UNC13C: variants seen among roughly 807,000 people sequenced by gnomAD.
The protein encoded by UNC13C is unc-13 homolog C, also known as protein unc-13 homolog C.
A neutral mutation model predicts 245.4 loss-of-function variants in UNC13C; 174 were observed. That is an observed-to-expected ratio of 0.71 (90% CI 0.63 to 0.80). The LOEUF is 0.80. Among genes scored for constraint, UNC13C ranks in the 30% least tolerant of loss-of-function variants. The pLI is 0.00. For missense variants in UNC13C, 2,829 were observed against 2,602.9 expected (o/e 1.09, Z -1.89); for synonymous variants, 992 against 895.1 (o/e 1.11, Z -1.93).
At chr15:54,228,901 C>T (rs2140808652) in intron 4 of UNC13C, among the ~76,000 whole-genome samples, 1 of 152,266 alleles carries the variant, frequency 6.6e-6, no homozygotes, top group East Asian at 1.9e-4. Context: ...TCCACTGGCT[C>T]TAAGCATAGC....
At chr15:53,893,487 G>A in the UNC13C span, among the ~76,000 whole-genome samples, 1 of 152,194 alleles carries the variant, frequency 6.6e-6, no homozygotes, top group Non-Finnish European at 1.5e-5. Context: ...CTGTTCCAGG[G>A]AGATGGGGGT....
At chr15:54,275,893 G>A (rs967466239) in intron 10 of UNC13C, among the ~76,000 whole-genome samples, 1 of 152,058 alleles carries the variant, frequency 6.6e-6, no homozygotes, top group African/African-American at 2.4e-5. Flanking sequence ...ATCAATAGGT[G>A]AATAGATATA....
chr15:54,405,994 T>TGG (rs5812758), intron 18 of UNC13C, among the ~76,000 whole-genome samples: 1 of 151,808 alleles, frequency 6.6e-6, no homozygotes, highest in African/African-American at 2.4e-5. Context: ...GAGAGAAGTG[T>TGG]GGGGGGGGAA....
chr15:54,097,877 C>T (rs2141148746), intron 2 of UNC13C, among the ~76,000 whole-genome samples: 1 of 152,304 alleles, frequency 6.6e-6, no homozygotes, highest in East Asian at 1.9e-4. Flanking sequence ...GGGAACAACA[C>T]TCATTTATAC....
chr15:54,407,065 C>A (rs1411952394), intron 18 of UNC13C, among the ~76,000 whole-genome samples: 1 of 151,992 alleles, frequency 6.6e-6, no homozygotes, highest in Non-Finnish European at 1.5e-5. Context: ...GCAGGATAGT[C>A]ATATTAATGA....
chr15:54,235,408 G>A (rs773091008), intron 5 of UNC13C, among the ~76,000 whole-genome samples: 9 of 152,190 alleles, frequency 5.9e-5, no homozygotes, highest in Non-Finnish European at 1.2e-4. Context: ...AATAGGCTTT[G>A]ATGTGTTTAG....
chr15:54,523,800 T>G (rs1392222446), intron 24 of UNC13C, among the ~76,000 whole-genome samples: 1 of 152,018 alleles, frequency 6.6e-6, no homozygotes, highest in East Asian at 1.9e-4. Context: ...TTGGAGGTGG[T>G]AGAGGTATGG....
At chr15:54,371,161 C>G (rs531596381) in intron 17 of UNC13C, among the ~76,000 whole-genome samples, 3 of 152,188 alleles carry the variant, frequency 2.0e-5, no homozygotes, top group Admixed American at 6.5e-5. Flanking sequence ...AAGGTCTCCA[C>G]AACCCATCAC....
intron 2 of UNC13C, among the ~76,000 whole-genome samples, chr15:54,067,167 T>A (rs1284300808): frequency 1.3e-5 from 2 of 152,160 alleles, no homozygotes; most frequent in Non-Finnish European, 2.9e-5. Flanking sequence ...TGGTTGAAGA[T>A]TCCTGAAAGC....
At position 54,015,611 on chromosome 15, in the gene UNC13C, A is replaced by G. The variant is rs912843997; in HGVS notation, c.2708A>G (p.Gln903Arg). 2 of 1,613,698 alleles carry G rather than the reference A, an allele frequency of 1.2e-6. No individual in the cohort carries two copies. The highest frequency in any genetic ancestry group is 1.7e-6 in the Non-Finnish European group (2 of 1,179,782). Residue 903 changes from glutamine (Q) to arginine (R), a missense_variant, in exon 2 of 33, where the codon CAA becomes CGA. Gln to Arg is a conservative substitution (Grantham distance 43). Transcript: ENST00000260323. The stretch of plus-strand genomic sequence containing the variant: ...ATTACTGAAACAGATGAACAAATGC[A>G]AGCATATGATCACCTTTCATATGAA... The part of the protein sequence containing the change: ...TSITETDEQM[Q>R]AYDHLSYETP...
At chr15:53,984,895 C>T (rs1217725174) in intron 1 of UNC13C, among the ~76,000 whole-genome samples, 1 of 151,958 alleles carries the variant, frequency 6.6e-6, no homozygotes, top group Non-Finnish European at 1.5e-5. Context: ...AATCAATTGC[C>T]CCAAGATTCT....
intron 2 of UNC13C, among the ~76,000 whole-genome samples, chr15:54,133,185 A>G (rs149305216): frequency 6.6e-6 from 1 of 152,124 alleles, no homozygotes; most frequent in South Asian, 2.1e-4. Flanking sequence ...ATGCTGGTGA[A>G]ATATTCTTAT....
chr15:53,905,497 C>T, the UNC13C span, among the ~76,000 whole-genome samples: 20,829 of 151,038 alleles, frequency 0.14, 1,722 homozygotes, highest in South Asian at 0.19. Context: ...GAAGACATTA[C>T]GCCAAATGAG....
intron 17 of UNC13C, among the ~76,000 whole-genome samples, chr15:54,356,977 A>G (rs1410084313): frequency 1.3e-5 from 2 of 152,064 alleles, no homozygotes; most frequent in Admixed American, 1.3e-4. Flanking sequence ...TATTTTAAGG[A>G]AATTGCACTT....
At chr15:54,295,075 G>A (rs1206936558) in intron 11 of UNC13C, among the ~76,000 whole-genome samples, 1 of 152,054 alleles carries the variant, frequency 6.6e-6, no homozygotes, top group Non-Finnish European at 1.5e-5. Context: ...AAGAAGATTT[G>A]TACTCTTATG....
At chr15:53,963,345 C>T in the UNC13C span, among the ~76,000 whole-genome samples, 1 of 152,220 alleles carries the variant, frequency 6.6e-6, no homozygotes, top group African/African-American at 2.4e-5. Context: ...GGAAGACAGA[C>T]TGTCACAATG....
intron 1 of UNC13C, among the ~76,000 whole-genome samples, chr15:53,982,215 T>C (rs2140947504): frequency 6.6e-6 from 1 of 152,298 alleles, no homozygotes; most frequent in South Asian, 2.1e-4. Flanking sequence ...GCCCAAATCC[T>C]GCGTTCAGGA....
At chr15:54,434,273 T>G (rs893406419) in intron 19 of UNC13C, among the ~76,000 whole-genome samples, 1 of 151,944 alleles carries the variant, frequency 6.6e-6, no homozygotes, top group Non-Finnish European at 1.5e-5. Flanking sequence ...AAAGCCCATA[T>G]AGCCAAGACA....
At chr15:53,941,446 G>C in the UNC13C span, among the ~76,000 whole-genome samples, 1 of 151,930 alleles carries the variant, frequency 6.6e-6, no homozygotes, top group Non-Finnish European at 1.5e-5. Flanking sequence ...ATTGACAAAT[G>C]GGATCTAATT....
Sources: allele counts gnomAD v4.1 joint callset (sites outside exome capture counted in the v4.1 genomes callset), GRCh38; gene constraint gnomAD v4.1.1; transcripts MANE v1.5; gene names NCBI Gene and HGNC (gene_info 2026-07-23, HGNC 2026-07-21).